VIL1: variants seen among roughly 807,000 people sequenced by gnomAD.
VIL1 encodes villin 1, also known as villin-1.
Under a neutral mutation model 104.0 loss-of-function variants are expected in VIL1, and 86 were observed. The observed-to-expected ratio is 0.83, with a 90% CI of 0.69 to 0.99. The LOEUF is 0.99. Among genes scored for constraint, VIL1 ranks in the 50% least tolerant of loss-of-function variants. The probability of loss-of-function intolerance (pLI) is 0.00; values close to 1 mark genes in which losing one functional copy is unlikely to be tolerated. For synonymous variants in VIL1, 394 were observed against 412.6 expected, an observed-to-expected ratio of 0.95 and a Z score of 0.55; for missense variants, 944 against 1,054.1, an observed-to-expected ratio of 0.90 and a Z score of 1.45.
intron 1 of VIL1, among the ~76,000 whole-genome samples, chr2:218,423,082 G>A (rs559893057): frequency 1.1e-3 from 163 of 152,248 alleles, no homozygotes; most frequent in Non-Finnish European, 2.1e-3. Flanking sequence ...CAGCAGGAGC[G>A]AATACAGCTA....
At position 218,428,013 on chromosome 2, in the gene VIL1, C is replaced by G. The variant is rs1689033270; in HGVS notation, c.396C>G (p.Asn132Lys). The G allele has an allele frequency of 6.2e-7, 1 of 1,614,192 alleles. No individual in the cohort carries two copies. Among genetic ancestry groups the G allele is most frequent in the Middle Eastern group, 1.6e-4 (1 of 6,062 alleles). The change falls in exon 5 of 20, where the codon AAC (asparagine) becomes AAG (lysine). Residue 132 changes from asparagine (N) to lysine (K), a missense_variant. Coordinates refer to ENST00000248444, the MANE Select transcript of VIL1 (RefSeq NM_007127.3). ...VASGMKHVET[N>K]SYDVQRLLHV... is the part of the protein sequence containing the mutation. ...CTGGCATGAAGCACGTGGAGACCAA[C>G]TCCTATGACGTCCAGAGGCTGCTGC...
chr2:218,440,373 G>A (rs746556870), intron 18 of VIL1, among the ~76,000 whole-genome samples: 34 of 152,092 alleles, frequency 2.2e-4, no homozygotes, highest in Non-Finnish European at 4.3e-4. Flanking sequence ...AGGTTCAAAC[G>A]ATTCTCCTAC....
chr2:218,426,401 C>T (rs1021185106), intron 4 of VIL1, among the ~76,000 whole-genome samples: 3 of 151,906 alleles, frequency 2.0e-5, no homozygotes, highest in Non-Finnish European at 4.4e-5. Flanking sequence ...ATTACAGGCA[C>T]ACACCACCAG....
At chr2:218,448,516 C>T (rs1052914273) in intron 19 of VIL1, among the ~76,000 whole-genome samples, 5 of 150,358 alleles carry the variant, frequency 3.3e-5, no homozygotes, top group Middle Eastern at 3.6e-3. Flanking sequence ...GAGCCGAGAT[C>T]GTGCGCCACT....
intron 1 of VIL1, among the ~76,000 whole-genome samples, chr2:218,422,775 T>C (rs1197369831): frequency 6.6e-6 from 1 of 152,116 alleles, no homozygotes; most frequent in African/African-American, 2.4e-5. Context: ...TCAAGGAGCA[T>C]TCATGGAGGG....
chr2:218,425,484 G>C, intron 3 of VIL1, 131 bp from the exon 4 acceptor site: 2 of 832,908 alleles, frequency 2.4e-6, no homozygotes, highest in South Asian at 1.7e-5. Context: ...GCTCCTAACC[G>C]CCAGCCTAGT....
At chr2:218,420,820 C>T (rs1688890143) in intron 1 of VIL1, among the ~76,000 whole-genome samples, 1 of 152,084 alleles carries the variant, frequency 6.6e-6, no homozygotes, top group Non-Finnish European at 1.5e-5. Context: ...CTCCTGACCT[C>T]GTGATCCGCC....
rs563946955 is a variant in VIL1 at position 218,437,275 on chromosome 2, C to G, written c.2123C>G (p.Thr708Arg). The G allele has an allele frequency of 6.2e-7, 1 of 1,614,188 alleles. No homozygotes were observed. Among genetic ancestry groups the G allele is most frequent in the East Asian group, 2.2e-5 (1 of 44,892 alleles). ...VKQGHEPPTF[T>R]GWFLAWDPFK... ...CAGGGACACGAGCCCCCCACCTTCA[C>G]AGGCTGGTTCCTGGCTTGGGATCCC... The change falls in exon 17 of 20, where the codon ACA becomes AGA. Residue 708 changes from threonine to arginine, a missense_variant. Thr to Arg is a moderately conservative substitution (Grantham distance 71). Coordinates refer to ENST00000248444, the MANE Select transcript of VIL1 (RefSeq NM_007127.3).
rs1228955189 is a variant in VIL1 at position 218,452,871 on chromosome 2, C to T, written c.*3535C>T. On this transcript the variant is annotated 3_prime_UTR_variant, in exon 20 of 20. Coordinates refer to ENST00000248444, the MANE Select transcript of VIL1 (RefSeq NM_007127.3). ...ATAACTAGCCAAAGAATTTTATCAC[C>T]GCTTCACTCATTTATAAGAAAACCA... 3 of 152,164 alleles carry T rather than the reference C, an allele frequency of 2.0e-5. No homozygotes were observed. The highest frequency in any genetic ancestry group is 2.9e-5 in the Non-Finnish European group (2 of 68,038). The allele number at this position is 152,164 out of a possible 1,614,324, so 9.4% of individuals were successfully genotyped here. A position where few individuals can be genotyped will look rare whatever the true frequency, so the allele number is the denominator to read the frequency against.
rs1188594695 is a variant in VIL1, at chr2:218,437,110, G to C, written c.1972-14G>C. The C allele has an allele frequency of 1.2e-6, 2 of 1,610,682 alleles. No homozygotes were observed. The highest frequency in any genetic ancestry group is 3.3e-5 in the Admixed American group (2 of 59,940). ...GACAGGAAGGATGGACTGATCCCCT[G>C]GGTTTCTCAATAGGTCTTCTTCTGG... On this transcript the variant is annotated splice_polypyrimidine_tract_variant and intron_variant, in intron 16 of 19. Coordinates refer to ENST00000248444, the MANE Select transcript of VIL1 (RefSeq NM_007127.3).
Position 218,429,621 on chromosome 2 carries a change from G to C in VIL1, c.795G>C (p.Leu265=), listed in dbSNP as rs1689061837. The C allele has an allele frequency of 6.2e-7, 1 of 1,614,000 alleles. No homozygotes were observed. The highest frequency in any genetic ancestry group is 1.1e-5 in the South Asian group (1 of 91,094). The change falls in exon 8 of 20, where the codon CTG becomes CTC. Residue 265 remains leucine (L), a synonymous_variant. Transcript: ENST00000248444. The part of the protein sequence containing the change: ...LYHVSDSEGN[L]VVREVATRPL... ...GTGTGTCTGACTCCGAGGGGAATCT[G>C]GTGGTGAGGGAAGTCGCCACACGGC... is the stretch of plus-strand genomic sequence containing the variant.
chr2:218,425,912 G>C (rs926858918), intron 4 of VIL1, 101 bp downstream of exon 4: 41 of 1,292,078 alleles, frequency 3.2e-5, no homozygotes, highest in Non-Finnish European at 4.0e-5. Context: ...ACCTGTTCAG[G>C]CCTGGGAAGA....
Position 218,436,471 on chromosome 2 carries a change from C to T in VIL1, c.1827-11C>T. 1 of 1,611,776 alleles carries T rather than the reference C, an allele frequency of 6.2e-7. No individual in the cohort carries two copies. The highest frequency in any genetic ancestry group is 8.5e-7 in the Non-Finnish European group (1 of 1,178,956). ...TCCTTCTGCCAGTACAATCTTCTCT[C>T]CATCCTGCAGACTACAGGAAGAAAA... On this transcript the variant is annotated splice_polypyrimidine_tract_variant and intron_variant, in intron 15 of 19. Transcript: ENST00000248444.
In VIL1 at chr2:218,449,377, T is replaced by C. The variant is rs150415916; in HGVS notation, c.*41T>C. ...TTGTAAAGCAGTACCCTACCCTGAT[T>C]GTAGGGTCTCATTTTCTCACCGATA... On this transcript the variant is annotated 3_prime_UTR_variant, in exon 20 of 20. Transcript: ENST00000248444. The C allele has an allele frequency of 1.5e-3, 2,243 of 1,474,502 alleles. 32 individuals carry two copies. In the Admixed American group the frequency reaches 0.023, roughly 15 times the overall value. The allele number at this position is 1,474,502 out of a possible 1,614,324, so 91.3% of individuals were successfully genotyped here. A position where few individuals can be genotyped will look rare whatever the true frequency, so the allele number is the denominator to read the frequency against.
chr2:218,446,808 G>T (rs1442163234), intron 19 of VIL1, among the ~76,000 whole-genome samples: 1 of 138,566 alleles, frequency 7.2e-6, no homozygotes, highest in Non-Finnish European at 1.5e-5. Flanking sequence ...CTGTTGCCCA[G>T]GCTGGAGGTG....
Position 218,429,330 on chromosome 2 carries a change from C to G in VIL1, c.613C>G (p.Arg205Gly), listed in dbSNP as rs763341658. ...KEIRDQERGG[R>G]TYVGVVDGEN... ...GATCCGAGACCAGGAGCGGGGAGGG[C>G]GCACCTATGTAGGCGTGGTGGACGG... The change falls in exon 7 of 20, where the codon CGC becomes GGC. Residue 205 changes from arginine (R) to glycine (G), a missense_variant. By Grantham distance (125) the Arg-to-Gly change is moderately radical. Transcript: ENST00000248444. 1 of 1,613,926 alleles carries G rather than the reference C, an allele frequency of 6.2e-7. No homozygotes were observed. Among genetic ancestry groups the G allele is most frequent in the African/African-American group, 1.3e-5 (1 of 74,920 alleles).
chr2:218,425,932 G>A lies in VIL1; in HGVS notation c.347+121G>A, dbSNP rs1011163044. ...TTCAGGCCTGGGAAGAACACTTGGA[G>A]CAGGGGGAGGTGACCTGGGGCGGGG... On this transcript the variant is annotated intron_variant, in intron 4 of 19. Coordinates refer to ENST00000248444, the MANE Select transcript of VIL1 (RefSeq NM_007127.3). 6.3e-6 allele frequency: 7 copies of A among 1,102,842 alleles called. No individual in the cohort carries two copies. The African/African-American group carries it at 7.9e-5, about 12-fold the overall frequency. The allele number at this position is 1,102,842 out of a possible 1,614,324, so 68.3% of individuals were successfully genotyped here.
rs1328057194 is a variant in VIL1, at chr2:218,452,768, A to C, written c.*3432A>C. 3 of 152,192 alleles carry C rather than the reference A, an allele frequency of 2.0e-5. No homozygotes were observed. Among genetic ancestry groups the C allele is most frequent in the African/African-American group, 7.2e-5 (3 of 41,448 alleles). 9.4% of individuals were successfully genotyped at this position (152,192 alleles called of 1,614,324 possible). On this transcript the variant is annotated 3_prime_UTR_variant, in exon 20 of 20. Transcript: ENST00000248444. ...TTATTTCTACTTTTCTCCATGTTTT[A>C]ATTGCAGCCTGCACTTTAAATCTTT...
At chr2:218,429,520 G>C in intron 7 of VIL1, 33 bp downstream of exon 7, 1 of 1,613,518 alleles carries the variant, frequency 6.2e-7, no homozygotes, top group Non-Finnish European at 8.5e-7. Flanking sequence ...CTGGGTGCTG[G>C]GGACTCCCTG....
Sources: gnomAD v4.1 joint callset for allele counts (sites outside exome capture counted in the v4.1 genomes callset) on GRCh38, gnomAD v4.1.1 for gene constraint, MANE v1.5 for transcripts, NCBI Gene and HGNC (gene_info 2026-07-23, HGNC 2026-07-21) for gene names.